GPR89B: variants seen among roughly 807,000 people sequenced by gnomAD.
GPR89B encodes the protein G protein-coupled receptor 89B.
In GPR89B, 25 loss-of-function variants were observed where a neutral mutation model predicts 52.4. That is an observed-to-expected ratio of 0.48 (90% CI 0.35 to 0.67). The LOEUF (loss-of-function observed/expected upper bound fraction) is 0.67. GPR89B is among the 30% of genes least tolerant of loss of function. GPR89B has a pLI of 0.01. For missense variants in GPR89B, 146 were observed against 450.2 expected (o/e 0.32, Z 6.11); for synonymous variants, 52 against 151.2 (o/e 0.34, Z 4.81).
chr1:147,985,003 C>T (rs1337072272), intron 10 of GPR89B, among the ~76,000 whole-genome samples: 1 of 152,218 alleles, frequency 6.6e-6, no homozygotes, highest in Admixed American at 6.5e-5. Flanking sequence ...ATGTCAATTA[C>T]GTCAAATTCA....
At chr1:147,975,142 T>G (rs1338753951) in intron 10 of GPR89B, among the ~76,000 whole-genome samples, 1 of 135,330 alleles carries the variant, frequency 7.4e-6, no homozygotes, top group Admixed American at 7.7e-5. Flanking sequence ...CTTTTTTTGT[T>G]GTTGTATCTC....
chr1:148,013,684 C>T, the GPR89B span, among the ~76,000 whole-genome samples: 1 of 152,000 alleles, frequency 6.6e-6, no homozygotes, highest in Middle Eastern at 3.2e-3. Flanking sequence ...GGCCCTGAGC[C>T]AGCCCCCTGG....
chr1:147,960,064 A>G (rs1656421801), intron 7 of GPR89B, among the ~76,000 whole-genome samples: 2 of 149,380 alleles, frequency 1.3e-5, no homozygotes, highest in South Asian at 2.2e-4. Flanking sequence ...TCAGCAGAGA[A>G]TATCAGGGAG....
At chr1:148,017,746 T>TAAATA in the GPR89B span, among the ~76,000 whole-genome samples, 73,327 of 143,138 alleles carry the variant, frequency 0.51, 19,450 homozygotes, top group African/African-American at 0.65. Flanking sequence ...TCAAAATAAA[T>TAAATA]AAATAAAATA....
chr1:148,016,409 G>A, the GPR89B span, among the ~76,000 whole-genome samples: 1 of 96,056 alleles, frequency 1.0e-5, no homozygotes, highest in Admixed American at 1.2e-4. Context: ...AGTGGGGGCC[G>A]GCGAGAGCAG....
chr1:147,970,646 T>C (rs1335080765), intron 10 of GPR89B, among the ~76,000 whole-genome samples: 2 of 151,148 alleles, frequency 1.3e-5, no homozygotes, highest in Admixed American at 1.3e-4. Context: ...TAACTGTATA[T>C]ATAACTTCAA....
intron 3 of GPR89B, among the ~76,000 whole-genome samples, chr1:147,942,061 A>T (rs1490709913): frequency 2.6e-5 from 4 of 151,780 alleles, no homozygotes; most frequent in African/African-American, 9.7e-5. Flanking sequence ...TAAATTACCT[A>T]TCTGATAATG....
chr1:148,016,412 G>A, the GPR89B span, among the ~76,000 whole-genome samples: 1 of 98,086 alleles, frequency 1.0e-5, no homozygotes, highest in Non-Finnish European at 2.0e-5. Context: ...GGGGGCCGGC[G>A]AGAGCAGAAA....
At chr1:148,018,658 CATT>C in the GPR89B span, among the ~76,000 whole-genome samples, 33 of 150,074 alleles carry the variant, frequency 2.2e-4, no homozygotes, top group Admixed American at 2.0e-4. Flanking sequence ...AAGCAGTGCA[CATT>C]ATTATTATTA....
intron 5 of GPR89B, among the ~76,000 whole-genome samples, chr1:147,946,066 C>T (rs1329830168): frequency 6.6e-6 from 1 of 151,382 alleles, no homozygotes; most frequent in Non-Finnish European, 1.5e-5. Context: ...GACAATCCTT[C>T]ACCAACCCTG....
intron 2 of GPR89B, among the ~76,000 whole-genome samples, chr1:147,937,846 C>T (rs1227546455): frequency 3.3e-5 from 5 of 152,114 alleles, no homozygotes; most frequent in Non-Finnish European, 7.4e-5. Context: ...ACTGAGGTGA[C>T]ATACATCCTC....
At chr1:147,949,120 C>T (rs1231237018) in intron 5 of GPR89B, among the ~76,000 whole-genome samples, 1 of 152,144 alleles carries the variant, frequency 6.6e-6, no homozygotes, top group Non-Finnish European at 1.5e-5. Flanking sequence ...AAGAATTTTT[C>T]TTAGTACAGA....
chr1:147,949,686 T>A, intron 5 of GPR89B, among the ~76,000 whole-genome samples: 1 of 130,020 alleles, frequency 7.7e-6, no homozygotes, highest in Non-Finnish European at 1.6e-5. Flanking sequence ...CCCCCCCACC[T>A]CCTTCGCGGA....
the GPR89B span, among the ~76,000 whole-genome samples, chr1:148,002,038 C>CCTTTT: frequency 2.3e-5 from 3 of 129,998 alleles, no homozygotes; most frequent in African/African-American, 5.8e-5. Flanking sequence ...CCAGATGCTG[C>CCTTTT]TTTTTTTTTT....
At chr1:147,983,559 A>C (rs1187740016) in intron 10 of GPR89B, among the ~76,000 whole-genome samples, 1 of 152,234 alleles carries the variant, frequency 6.6e-6, no homozygotes, top group East Asian at 1.9e-4. Context: ...TTATGACGCC[A>C]AAAAACACAA....
At chr1:147,966,743 C>A in intron 8 of GPR89B, 80 bp downstream of exon 8, 1 of 110,598 alleles carries the variant, frequency 9.0e-6, no homozygotes, top group Non-Finnish European at 1.5e-5. Context: ...TTGGGATAGT[C>A]CCTTCTAAGG....
downstream of GPR89B, among the ~76,000 whole-genome samples, chr1:147,997,295 T>G (rs1278700009): frequency 6.6e-6 from 1 of 152,144 alleles, no homozygotes; most frequent in Non-Finnish European, 1.5e-5. Flanking sequence ...AAGCATTATT[T>G]TGGTGTGTGT....
the GPR89B span, among the ~76,000 whole-genome samples, chr1:148,019,747 G>A: frequency 6.6e-6 from 1 of 152,020 alleles, no homozygotes; most frequent in African/African-American, 2.4e-5. Context: ...TTAACTAGAG[G>A]AGTAATATCC....
rs1254015231 is a variant in GPR89B, at chr1:147,975,124, G to A, written c.909+5165G>A. On this transcript the variant is annotated intron_variant, in intron 10 of 13. Transcript: ENST00000314163. ...CAATGTTCTTCAGGGATATTGGCCT[G>A]AAGTTTTCTTTTTTTGTTGTTGTAT... 2.8e-5 allele frequency among the ~76,000 whole-genome samples: 4 copies of A among 141,288 alleles called. No homozygotes were observed. In the East Asian group the frequency reaches 8.4e-4, roughly 30 times the overall value. The allele number at this position is 141,288 out of a possible 152,430, so 92.7% of individuals were successfully genotyped here.
Sources: gnomAD v4.1 joint callset for allele counts (sites outside exome capture counted in the v4.1 genomes callset) on GRCh38, gnomAD v4.1.1 for gene constraint, MANE v1.5 for transcripts, NCBI Gene and HGNC (gene_info 2026-07-23, HGNC 2026-07-21) for gene names.